The following PARP2 variants were observed in gnomAD, a reference collection of about 807,000 sequenced individuals.
PARP2 encodes poly [ADP-ribose] polymerase 2.
In PARP2, 57 loss-of-function variants were observed where a neutral mutation model predicts 77.8. The ratio of observed to expected loss-of-function variants is 0.73; its 90% CI spans 0.59 to 0.91. The LOEUF (loss-of-function observed/expected upper bound fraction) is 0.91. PARP2 is among the 40% of genes least tolerant of loss of function. PARP2 has a pLI of 0.00. For missense variants in PARP2, 651 were observed against 689.0 expected (o/e 0.94, Z 0.62); for synonymous variants, 226 against 242.6 (o/e 0.93, Z 0.64).
chr14:20,354,867 T>C lies in PARP2; in HGVS notation c.822T>C (p.Asp274=). The C allele has an allele frequency of 6.2e-7, 1 of 1,613,724 alleles. No homozygotes were observed. The highest frequency in any genetic ancestry group is 8.5e-7 in the Non-Finnish European group (1 of 1,179,804). The change falls in exon 9 of 16, where the codon GAT becomes GAC. Residue 274 remains aspartate (D), a synonymous_variant. Coordinates refer to ENST00000429687, the MANE Select transcript of PARP2 (RefSeq NM_001042618.2). The part of the protein sequence containing the change: ...AGYQSLKKIE[D]CIRAGQHGRA... ...ACCAGTCTCTTAAGAAGATTGAGGA[T>C]TGTATTCGGGCTGGCCAGCATGGAC...
Position 20,354,866 on chromosome 14 carries a change from A to C in PARP2, c.821A>C (p.Asp274Ala). 3 of 1,613,870 alleles carry C rather than the reference A, an allele frequency of 1.9e-6. No homozygotes were observed. ...TACCAGTCTCTTAAGAAGATTGAGG[A>C]TTGTATTCGGGCTGGCCAGCATGGA... ...AGYQSLKKIE[D>A]CIRAGQHGRA... is the part of the protein sequence containing the mutation. The change falls in exon 9 of 16, where the codon GAT becomes GCT. Residue 274 changes from aspartate (D) to alanine (A), a missense_variant. Asp to Ala is a moderately radical substitution (Grantham distance 126). Coordinates refer to ENST00000429687, the MANE Select transcript of PARP2 (RefSeq NM_001042618.2).
intron 11 of PARP2, 67 bp downstream of exon 11, chr14:20,356,098 TCTAA>T: frequency 1.9e-6 from 3 of 1,546,142 alleles, no homozygotes; most frequent in South Asian, 1.2e-5. Context: ...CCCACTGTTC[TCTAA>T]CTACTTCTTG....
At chr14:20,349,209 A>C (rs1323324090) in intron 4 of PARP2, among the ~76,000 whole-genome samples, 1 of 151,972 alleles carries the variant, frequency 6.6e-6, no homozygotes, top group Non-Finnish European at 1.5e-5. Flanking sequence ...TGGGCCAGCT[A>C]CTTTGGAGGC....
intron 9 of PARP2, 194 bp downstream of exon 9, chr14:20,355,141 C>A (rs1884098785): frequency 2.0e-6 from 1 of 507,790 alleles, no homozygotes; most frequent in Non-Finnish European, 3.4e-6. Flanking sequence ...CCCGGCTTGA[C>A]CACAGCCATA....
chr14:20,344,871 C>G (rs1883651495), intron 1 of PARP2, 61 bp from the exon 2 acceptor site: 4 of 1,073,592 alleles, frequency 3.7e-6, no homozygotes, highest in Middle Eastern at 2.1e-4. Flanking sequence ...TTTTTTCAAT[C>G]TTTAAAATCT....
At chr14:20,354,492 T>A in intron 8 of PARP2, 3 of 526,992 alleles carry the variant, frequency 5.7e-6, no homozygotes, top group Non-Finnish European at 1.0e-5. Context: ...AGCCCAGGAG[T>A]TTGAAACCAG....
At chr14:20,351,332 C>A (rs1441044493) in intron 6 of PARP2, among the ~76,000 whole-genome samples, 3 of 152,078 alleles carry the variant, frequency 2.0e-5, no homozygotes, top group Non-Finnish European at 2.9e-5. Context: ...GCGCCCACCA[C>A]CACGCCCAGC....
Position 20,357,833 on chromosome 14 carries a change from A to G in PARP2, c.*36A>G. 6.3e-7 allele frequency: 1 copy of G among 1,584,858 alleles called. No homozygotes were observed. Among genetic ancestry groups the G allele is most frequent in the Non-Finnish European group, 8.6e-7 (1 of 1,159,560 alleles). On this transcript the variant is annotated 3_prime_UTR_variant, in exon 16 of 16. Transcript: ENST00000429687. ...TAAATAAACCAGAGATCTGATCTTC[A>G]AGCAAGAAAATAAGCAGTGTTGTAC...
intron 9 of PARP2, 43 bp downstream of exon 9, chr14:20,354,990 C>T (rs1348336319): frequency 1.3e-6 from 2 of 1,549,388 alleles, no homozygotes; most frequent in South Asian, 1.2e-5. Flanking sequence ...TCTACCTATA[C>T]ATATCCCCTG....
At chr14:20,356,215 G>A in intron 11 of PARP2, 92 bp from the exon 12 acceptor site, 1 of 1,491,284 alleles carries the variant, frequency 6.7e-7, no homozygotes, top group South Asian at 1.2e-5. Flanking sequence ...GAGCAGAAAG[G>A]TCTGCCAAGT....
chr14:20,351,326 C>T (rs548244329), intron 6 of PARP2, among the ~76,000 whole-genome samples: 4 of 151,932 alleles, frequency 2.6e-5, no homozygotes, highest in Non-Finnish European at 4.4e-5. Flanking sequence ...TTACAGGCGC[C>T]CACCACCACG....
At chr14:20,356,860 A>G (rs1884172986) in intron 13 of PARP2, 171 bp downstream of exon 13, 2 of 678,038 alleles carry the variant, frequency 2.9e-6, no homozygotes, top group Non-Finnish European at 5.1e-6. Flanking sequence ...ATTCCTAAAG[A>G]TACCTCACCT....
rs1435242860 is a variant in PARP2 at position 20,345,009 on chromosome 14, T to A, written c.124T>A (p.Cys42Ser). Residue 42 changes from cysteine (C) to serine (S), a missense_variant, in exon 2 of 16, where the codon TGC becomes AGC. Coordinates refer to ENST00000429687, the MANE Select transcript of PARP2 (RefSeq NM_001042618.2). ...TTCCCCTGCCAAGAAAACTCGTAGA[T>A]GCCAGAGACAGGAGTCGAAAAAGAT... ...DSSPAKKTRRCQRQESKKMPV... is the reference protein window; with the variant it reads ...DSSPAKKTRRSQRQESKKMPV... 3.7e-6 allele frequency: 6 copies of A among 1,613,930 alleles called. No homozygotes were observed. The highest frequency in any genetic ancestry group is 5.1e-6 in the Non-Finnish European group (6 of 1,179,858).
intron 3 of PARP2, among the ~76,000 whole-genome samples, chr14:20,346,080 A>G (rs1883708168): frequency 1.3e-5 from 2 of 152,312 alleles, no homozygotes; most frequent in Admixed American, 6.5e-5. Flanking sequence ...GAGGATTACA[A>G]TTCAGCATGA....
At chr14:20,345,240 C>A in intron 2 of PARP2, 153 bp downstream of exon 2, 1 of 1,022,816 alleles carries the variant, frequency 9.8e-7, no homozygotes, top group Non-Finnish European at 1.5e-6. Flanking sequence ...AATCTACTGC[C>A]TTGAATCTTC....
chr14:20,354,723 T>G, intron 8 of PARP2, 86 bp from the exon 9 acceptor site: 3 of 1,330,332 alleles, frequency 2.3e-6, no homozygotes, highest in Non-Finnish European at 2.1e-6. Flanking sequence ...AGTTGAAAGA[T>G]GAAAGTCTTT....
rs1301484297 is a variant in PARP2 at position 20,357,889 on chromosome 14, A to C, written c.*92A>C. 4 of 1,186,692 alleles carry C rather than the reference A, an allele frequency of 3.4e-6. No individual in the cohort carries two copies. Among genetic ancestry groups the C allele is most frequent in the Non-Finnish European group, 4.9e-6 (4 of 822,168 alleles). 73.5% of individuals were successfully genotyped at this position (1,186,692 alleles called of 1,614,324 possible). A position where few individuals can be genotyped will look rare whatever the true frequency, so the allele number is the denominator to read the frequency against. On this transcript the variant is annotated 3_prime_UTR_variant, in exon 16 of 16. Transcript: ENST00000429687. Reference sequence around the variant, plus strand: ...AATTTTGTGATATTTTATGTAATAAAAACTGTACAGGTCTACCACTGGCTT... The same window carrying C: ...AATTTTGTGATATTTTATGTAATAACAACTGTACAGGTCTACCACTGGCTT...
At position 20,356,599 on chromosome 14, in the gene PARP2, A is replaced by G; in HGVS notation, c.1239A>G (p.Leu413=). 1 of 1,613,978 alleles carries G rather than the reference A, an allele frequency of 6.2e-7. No homozygotes were observed. Among genetic ancestry groups the G allele is most frequent in the Non-Finnish European group, 8.5e-7 (1 of 1,179,812 alleles). The change falls in exon 13 of 16, where the codon CTA becomes CTG. Residue 413 remains leucine (L), a synonymous_variant. Transcript: ENST00000429687. ...ATTGGCTTTTCCTTAGGATGCTTCT[A>G]TGGCATGGTTCCAGGATGAGTAACT... The part of the protein sequence containing the change: ...FREDLHNRML[L]WHGSRMSNWV...
chr14:20,346,793 T>C, intron 3 of PARP2, 70 bp from the exon 4 acceptor site: 1 of 993,892 alleles, frequency 1.0e-6, no homozygotes, highest in Non-Finnish European at 1.6e-6. Context: ...TAAGAAAATT[T>C]AGAGCCTCAT....
Sources: allele counts gnomAD v4.1 joint callset (sites outside exome capture counted in the v4.1 genomes callset), GRCh38; gene constraint gnomAD v4.1.1; transcripts MANE v1.5; gene names NCBI Gene and HGNC (gene_info 2026-07-23, HGNC 2026-07-21).